LINGO2: variants seen among roughly 807,000 people sequenced by gnomAD.
The protein encoded by LINGO2 is leucine rich repeat and Ig domain containing 2.
In LINGO2, 14 loss-of-function variants were observed where a neutral mutation model predicts 30.6. The observed-to-expected ratio is 0.46, with a 90% confidence interval of 0.30 to 0.72. The LOEUF is 0.72. Among genes scored for constraint, LINGO2 ranks in the 30% least tolerant of loss-of-function variants. The pLI, the probability that LINGO2 is intolerant of heterozygous loss-of-function variation, is 0.07. For missense variants in LINGO2, 729 were observed against 751.7 expected, an observed-to-expected ratio of 0.97 and a Z score of 0.35; for synonymous variants, 317 against 288.5, an observed-to-expected ratio of 1.10 and a Z score of -1.00.
intron 2 of LINGO2, among the ~76,000 whole-genome samples, chr9:28,451,835 G>A (rs1413773466): frequency 2.0e-5 from 3 of 151,514 alleles, no homozygotes; most frequent in Admixed American, 2.0e-4. Context: ...TAATTGTACT[G>A]TCTTTTATAA....
intron 1 of LINGO2, among the ~76,000 whole-genome samples, chr9:28,567,114 AT>A (rs1269901557): frequency 6.6e-5 from 10 of 152,084 alleles, no homozygotes; most frequent in African/African-American, 2.4e-4. Flanking sequence ...TATAGTCAGA[AT>A]TTTTTTGCAT....
At chr9:28,383,642 C>A (rs1287810491) in intron 2 of LINGO2, among the ~76,000 whole-genome samples, 1 of 151,922 alleles carries the variant, frequency 6.6e-6, no homozygotes, top group African/African-American at 2.4e-5. Context: ...CACTTCCAAG[C>A]CCGAACCACT....
intron 2 of LINGO2, among the ~76,000 whole-genome samples, chr9:28,448,797 A>G (rs1824529631): frequency 6.6e-6 from 1 of 152,058 alleles, no homozygotes; most frequent in African/African-American, 2.4e-5. Context: ...CAGTACAGCA[A>G]ATAGAGGAAA....
At chr9:28,546,662 T>C (rs1410154397) in intron 1 of LINGO2, among the ~76,000 whole-genome samples, 3 of 151,960 alleles carry the variant, frequency 2.0e-5, no homozygotes, top group South Asian at 4.1e-4. Flanking sequence ...TTGGGGAAAG[T>C]AGTTCTGGAA....
the LINGO2 span, among the ~76,000 whole-genome samples, chr9:28,786,768 A>G: frequency 6.6e-6 from 1 of 152,150 alleles, no homozygotes; most frequent in Non-Finnish European, 1.5e-5. Context: ...CTAAATGGGT[A>G]AGAAGAACTG....
intron 3 of LINGO2, among the ~76,000 whole-genome samples, chr9:28,343,755 C>A (rs1038909031): frequency 6.6e-6 from 1 of 152,076 alleles, no homozygotes; most frequent in Non-Finnish European, 1.5e-5. Context: ...CCTCTTCTCA[C>A]CATTTCTATA....
chr9:28,042,442 C>G (rs1037694378), intron 4 of LINGO2, among the ~76,000 whole-genome samples: 1 of 152,128 alleles, frequency 6.6e-6, no homozygotes, highest in African/African-American at 2.4e-5. Flanking sequence ...TGAGGATGAG[C>G]TATGTCTTTG....
chr9:28,429,404 C>A (rs930723313), intron 2 of LINGO2, among the ~76,000 whole-genome samples: 1 of 152,048 alleles, frequency 6.6e-6, no homozygotes, highest in East Asian at 1.9e-4. Context: ...AAAGATATTC[C>A]CTTATGTTAT....
chr9:28,535,262 A>G (rs1200089223), intron 1 of LINGO2, among the ~76,000 whole-genome samples: 1 of 152,166 alleles, frequency 6.6e-6, no homozygotes, highest in African/African-American at 2.4e-5. Context: ...TAAGAGGTCA[A>G]TGGACATAAT....
chr9:28,807,991 A>T, the LINGO2 span, among the ~76,000 whole-genome samples: 1 of 152,212 alleles, frequency 6.6e-6, no homozygotes, highest in Non-Finnish European at 1.5e-5. Flanking sequence ...ATTATTTACA[A>T]TAATATCATG....
the LINGO2 span, among the ~76,000 whole-genome samples, chr9:28,885,352 T>TACACACAC: frequency 1.1e-4 from 2 of 17,952 alleles, no homozygotes; most frequent in Non-Finnish European, 3.5e-4. Flanking sequence ...CAGGGAGATA[T>TACACACAC]ATATATATAC....
chr9:28,430,763 A>G (rs1031336855), intron 2 of LINGO2, among the ~76,000 whole-genome samples: 1 of 152,106 alleles, frequency 6.6e-6, no homozygotes, highest in Non-Finnish European at 1.5e-5. Context: ...TACAGTTTCT[A>G]TATGCCAGGA....
intron 1 of LINGO2, among the ~76,000 whole-genome samples, chr9:28,596,434 G>A (rs1287426832): frequency 1.3e-5 from 2 of 152,146 alleles, no homozygotes; most frequent in Non-Finnish European, 2.9e-5. Flanking sequence ...TCAGTTGGAT[G>A]CTTCTTAACA....
At chr9:28,544,340 A>G (rs1464619272) in intron 1 of LINGO2, among the ~76,000 whole-genome samples, 3 of 152,182 alleles carry the variant, frequency 2.0e-5, no homozygotes, top group Non-Finnish European at 4.4e-5. Flanking sequence ...AAACTACTGT[A>G]TCTGGAAATC....
the LINGO2 span, among the ~76,000 whole-genome samples, chr9:29,091,903 T>G: frequency 5.9e-5 from 9 of 152,002 alleles, no homozygotes; most frequent in Non-Finnish European, 1.5e-5. Flanking sequence ...TTATTAAAAG[T>G]TATAGCCATC....
chr9:28,999,650 G>A, the LINGO2 span, among the ~76,000 whole-genome samples: 1 of 151,862 alleles, frequency 6.6e-6, no homozygotes, highest in African/African-American at 2.4e-5. Context: ...ATTAAATCCT[G>A]CAAAATCTAT....
At chr9:28,354,469 T>C (rs2134464486) in intron 3 of LINGO2, among the ~76,000 whole-genome samples, 1 of 152,328 alleles carries the variant, frequency 6.6e-6, no homozygotes, top group South Asian at 2.1e-4. Flanking sequence ...TTCTAGAACT[T>C]CATAATTTTT....
chr9:28,739,915 T>C, the LINGO2 span, among the ~76,000 whole-genome samples: 1 of 150,156 alleles, frequency 6.7e-6, no homozygotes, highest in Non-Finnish European at 1.5e-5. Context: ...AGGTCAAATA[T>C]AAATATACAT....
At chr9:28,662,467 G>A (rs1377645260) in intron 1 of LINGO2, among the ~76,000 whole-genome samples, 1 of 152,106 alleles carries the variant, frequency 6.6e-6, no homozygotes, top group South Asian at 2.1e-4. Flanking sequence ...AGTGATAGGA[G>A]ATTTTGTAGA....
Sources: allele counts gnomAD v4.1 joint callset (sites outside exome capture counted in the v4.1 genomes callset), GRCh38; gene constraint gnomAD v4.1.1; transcripts MANE v1.5; gene names NCBI Gene and HGNC (gene_info 2026-07-23, HGNC 2026-07-21).